GALNT13: variants seen among roughly 807,000 people sequenced by gnomAD.
GALNT13 encodes polypeptide N-acetylgalactosaminyltransferase 13, also known as UDP-GalNAc:polypeptide N-acetylgalactosaminyltransferase 13.
In GALNT13, 28 loss-of-function variants were observed where a neutral mutation model predicts 64.2. The ratio of observed to expected loss-of-function variants is 0.44; its 90% confidence interval spans 0.32 to 0.60. The LOEUF (loss-of-function observed/expected upper bound fraction) is 0.60, where lower values mean the gene tolerates loss of function less well. GALNT13 is among the 20% of genes least tolerant of loss of function. The pLI is 0.05. For missense variants in GALNT13, 577 were observed against 669.8 expected, an observed-to-expected ratio of 0.86 and a Z score of 1.53; for synonymous variants, 214 against 224.6, an observed-to-expected ratio of 0.95 and a Z score of 0.42.
intron 7 of GALNT13, among the ~76,000 whole-genome samples, chr2:154,256,855 C>T (rs1020315544): frequency 6.6e-6 from 1 of 152,084 alleles, no homozygotes; most frequent in Non-Finnish European, 1.5e-5. Flanking sequence ...CCTTGAAAAG[C>T]AAATAATTTC....
chr2:154,167,354 A>G (rs1685087971), intron 4 of GALNT13, among the ~76,000 whole-genome samples: 1 of 152,152 alleles, frequency 6.6e-6, no homozygotes, highest in African/African-American at 2.4e-5. Flanking sequence ...TCTAATAGGC[A>G]CATATAGCAC....
At chr2:153,257,132 A>C in the GALNT13 span, among the ~76,000 whole-genome samples, 2 of 152,226 alleles carry the variant, frequency 1.3e-5, no homozygotes, top group African/African-American at 4.8e-5. Context: ...CCTCCGAGCC[A>C]GGTGCCGGAT....
chr2:154,010,419 C>T (rs72868406), intron 3 of GALNT13, among the ~76,000 whole-genome samples: 1 of 152,076 alleles, frequency 6.6e-6, no homozygotes, highest in Non-Finnish European at 1.5e-5. Flanking sequence ...TTGAACCAAC[C>T]TTGCATTCAA....
intron 8 of GALNT13, among the ~76,000 whole-genome samples, chr2:154,266,217 A>G (rs900448426): frequency 2.6e-5 from 4 of 152,198 alleles, no homozygotes; most frequent in African/African-American, 9.6e-5. Flanking sequence ...TCAGGAATAA[A>G]TAAAGATTTT....
At chr2:153,947,799 G>A (rs998540909) in intron 3 of GALNT13, among the ~76,000 whole-genome samples, 2 of 151,940 alleles carry the variant, frequency 1.3e-5, no homozygotes, top group African/African-American at 4.8e-5. Flanking sequence ...GTCTTCCAGG[G>A]TTATTATAGT....
chr2:154,417,638 A>G (rs1700080439), intron 11 of GALNT13, among the ~76,000 whole-genome samples: 1 of 151,318 alleles, frequency 6.6e-6, no homozygotes, highest in Non-Finnish European at 1.5e-5. Context: ...AGCCCCCCCG[A>G]GTAGCTGGGA....
At chr2:154,368,350 A>G (rs1160782380) in intron 9 of GALNT13, among the ~76,000 whole-genome samples, 1 of 152,136 alleles carries the variant, frequency 6.6e-6, no homozygotes, top group Admixed American at 6.6e-5. Context: ...ACCCCTGCCA[A>G]CACTAAGGTC....
the GALNT13 span, among the ~76,000 whole-genome samples, chr2:153,718,159 T>G: frequency 6.6e-6 from 1 of 152,052 alleles, no homozygotes; most frequent in Non-Finnish European, 1.5e-5. Flanking sequence ...AAAATCTAGT[T>G]TCATCATTGT....
At chr2:154,141,820 A>G (rs978086260) in intron 4 of GALNT13, among the ~76,000 whole-genome samples, 1 of 152,208 alleles carries the variant, frequency 6.6e-6, no homozygotes, top group Non-Finnish European at 1.5e-5. Flanking sequence ...ATTATCAGCT[A>G]TGGAAGAAAT....
chr2:153,345,635 T>TTTTCTTTTTC, the GALNT13 span, among the ~76,000 whole-genome samples: 17 of 68,864 alleles, frequency 2.5e-4, no homozygotes, highest in East Asian at 5.9e-3. Context: ...TTTCCTTTCT[T>TTTTCTTTTTC]TTTCTTTCTT....
chr2:153,692,925 T>A, the GALNT13 span, among the ~76,000 whole-genome samples: 1 of 152,148 alleles, frequency 6.6e-6, no homozygotes, highest in Admixed American at 6.5e-5. Context: ...GAAATCCAGA[T>A]AAAAGGCTTA....
At chr2:153,870,734 C>T (rs1228137222), upstream of GALNT13, among the ~76,000 whole-genome samples, 1 of 150,484 alleles carries the variant, frequency 6.6e-6, no homozygotes, top group African/African-American at 2.5e-5. Flanking sequence ...ATGGCATTGA[C>T]ATACTAGATT....
intron 3 of GALNT13, among the ~76,000 whole-genome samples, chr2:154,034,059 C>T (rs931851860): frequency 2.0e-5 from 3 of 152,212 alleles, no homozygotes; most frequent in East Asian, 3.9e-4. Flanking sequence ...CTTTGGGAAA[C>T]GGTTTGGTAG....
chr2:154,441,403 A>G (rs1701289064), intron 12 of GALNT13, among the ~76,000 whole-genome samples: 1 of 152,116 alleles, frequency 6.6e-6, no homozygotes, highest in Non-Finnish European at 1.5e-5. Flanking sequence ...TTTTGCTGGC[A>G]AGGACAAAAT....
chr2:154,067,653 A>G (rs1452723726), intron 3 of GALNT13, among the ~76,000 whole-genome samples: 1 of 152,100 alleles, frequency 6.6e-6, no homozygotes, highest in East Asian at 1.9e-4. Flanking sequence ...TATTAGAGCT[A>G]AAAAGAGACA....
chr2:154,176,362 C>T (rs1321139330), intron 4 of GALNT13, among the ~76,000 whole-genome samples: 2 of 151,400 alleles, frequency 1.3e-5, no homozygotes, highest in Non-Finnish European at 2.9e-5. Flanking sequence ...GCAACCTCCG[C>T]CTCCTGGGTT....
At chr2:153,200,206 T>C in the GALNT13 span, among the ~76,000 whole-genome samples, 1 of 152,166 alleles carries the variant, frequency 6.6e-6, no homozygotes, top group South Asian at 2.1e-4. Context: ...AGGAAGGACA[T>C]ACTGAAGACA....
chr2:154,445,162 T>C (rs1296518759), intron 12 of GALNT13, among the ~76,000 whole-genome samples: 2 of 152,002 alleles, frequency 1.3e-5, no homozygotes, highest in African/African-American at 4.8e-5. Context: ...TTCTGGGCTA[T>C]GGCTTTTTAG....
At chr2:153,082,414 A>G in the GALNT13 span, among the ~76,000 whole-genome samples, 1 of 151,188 alleles carries the variant, frequency 6.6e-6, no homozygotes, top group East Asian at 2.0e-4. Flanking sequence ...TTGGTGTTTC[A>G]TTCCTGAGTT....
Sources: gnomAD v4.1 joint callset for allele counts (sites outside exome capture counted in the v4.1 genomes callset) on GRCh38, gnomAD v4.1.1 for gene constraint, MANE v1.5 for transcripts, NCBI Gene and HGNC (gene_info 2026-07-23, HGNC 2026-07-21) for gene names.